Variants in ARHGAP31 observed in about 807,000 individuals in gnomAD.
ARHGAP31 encodes rho GTPase-activating protein 31.
A neutral mutation model predicts 113.9 loss-of-function variants in ARHGAP31; 34 were observed. That is an observed-to-expected ratio of 0.30 (90% CI 0.23 to 0.40). The LOEUF (loss-of-function observed/expected upper bound fraction) is 0.40, where lower values mean the gene tolerates loss of function less well. ARHGAP31 is among the 10% of genes least tolerant of loss of function. The pLI is 1.00. For synonymous variants in ARHGAP31, 650 were observed against 684.8 expected, an observed-to-expected ratio of 0.95 and a Z score of 0.79; for missense variants, 1,548 against 1,767.1, an observed-to-expected ratio of 0.88 and a Z score of 2.22.
intron 1 of ARHGAP31, among the ~76,000 whole-genome samples, chr3:119,346,073 C>A (rs2107614702): frequency 6.6e-6 from 1 of 152,272 alleles, no homozygotes; most frequent in Non-Finnish European, 1.5e-5. Context: ...ATGAGCTGAC[C>A]CCCAGGGAAG....
At chr3:119,404,892 T>C (rs2107642283) in intron 10 of ARHGAP31, among the ~76,000 whole-genome samples, 1 of 152,274 alleles carries the variant, frequency 6.6e-6, no homozygotes, top group East Asian at 1.9e-4. Context: ...CCTCAGCTGG[T>C]GGGGAGAAAG....
In ARHGAP31 at chr3:119,329,888, T is replaced by A. The variant is rs532884435; in HGVS notation, c.100+34884T>A. On this transcript the variant is annotated intron_variant, in intron 1 of 11. Transcript: ENST00000264245. Reference sequence around the variant, plus strand: ...GCCTCATTGTGTGAGTCCTCACTGGTGCTGAGAAACCTGGTAAATGAAGAC... The same window carrying A: ...GCCTCATTGTGTGAGTCCTCACTGGAGCTGAGAAACCTGGTAAATGAAGAC... The A allele has an allele frequency of 3.0e-6, 3 of 985,472 alleles. No homozygotes were observed. The South Asian group carries it at 1.4e-4, about 46-fold the overall frequency. 61.0% of individuals were successfully genotyped at this position (985,472 alleles called of 1,614,324 possible). A position where few individuals can be genotyped will look rare whatever the true frequency, so the allele number is the denominator to read the frequency against.
At chr3:119,354,823 T>G (rs1010188219) in intron 1 of ARHGAP31, among the ~76,000 whole-genome samples, 1 of 151,798 alleles carries the variant, frequency 6.6e-6, no homozygotes, top group East Asian at 1.9e-4. Context: ...GAAGAGGTAG[T>G]TTTTAAAGAG....
At position 119,414,762 on chromosome 3, in the gene ARHGAP31, C is replaced by A. The variant is rs2080756729; in HGVS notation, c.2833C>A (p.His945Asn). 2 of 1,614,206 alleles carry A rather than the reference C, an allele frequency of 1.2e-6. No individual in the cohort carries two copies. The highest frequency in any genetic ancestry group is 2.7e-5 in the African/African-American group (2 of 75,058). The change falls in exon 12 of 12, where the codon CAC becomes AAC. Residue 945 changes from histidine (H) to asparagine (N), a missense_variant. Transcript: ENST00000264245. ...QGHQLEKRLSHRPSLRQSHSL... is the reference protein window; with the variant it reads ...QGHQLEKRLSNRPSLRQSHSL... ...TCACCAGTTGGAGAAGAGGCTTTCC[C>A]ACAGGCCCAGCCTTCGCCAGAGCCA...
At chr3:119,348,372 G>A (rs866184053) in intron 1 of ARHGAP31, among the ~76,000 whole-genome samples, 31 of 152,012 alleles carry the variant, frequency 2.0e-4, no homozygotes, top group Middle Eastern at 3.4e-3. Flanking sequence ...CCACGAAACC[G>A]GTCCCCGGTG....
chr3:119,413,795 C>T (rs2080740495), intron 11 of ARHGAP31, 61 bp from the exon 12 acceptor site: 11 of 1,612,260 alleles, frequency 6.8e-6, no homozygotes, highest in Admixed American at 3.3e-5. Flanking sequence ...TCACTGGAAA[C>T]GCTGATGTCA....
intron 1 of ARHGAP31, chr3:119,314,880 T>G (rs1212710465): frequency 6.6e-6 from 1 of 152,252 alleles, no homozygotes; most frequent in Admixed American, 6.5e-5. Flanking sequence ...CAGGAAGAAC[T>G]AATGGCCCCA....
chr3:119,394,947 A>G (rs1206576730), intron 8 of ARHGAP31, among the ~76,000 whole-genome samples: 1 of 152,248 alleles, frequency 6.6e-6, no homozygotes, highest in Non-Finnish European at 1.5e-5. Flanking sequence ...GTATTCAAGG[A>G]TGAAGCAGCA....
At chr3:119,297,935 C>T (rs960672684) in intron 1 of ARHGAP31, among the ~76,000 whole-genome samples, 8 of 151,268 alleles carry the variant, frequency 5.3e-5, no homozygotes, top group Non-Finnish European at 7.4e-5. Context: ...CACACACACA[C>T]ACACACACAC....
At position 119,418,663 on chromosome 3, in the gene ARHGAP31, G is replaced by C. The variant is rs183287388; in HGVS notation, c.*2399G>C. The C allele has an allele frequency of 5.9e-5, 9 of 152,360 alleles. No individual in the cohort carries two copies. Among genetic ancestry groups the C allele is most frequent in the Admixed American group, 5.9e-4 (9 of 15,302 alleles). 9.4% of individuals were successfully genotyped at this position (152,360 alleles called of 1,614,324 possible). A position where few individuals can be genotyped will look rare whatever the true frequency, so the allele number is the denominator to read the frequency against. On this transcript the variant is annotated 3_prime_UTR_variant, in exon 12 of 12. Transcript: ENST00000264245. ...ACAAGTGACTTCAGTTCTAAGGGTT[G>C]AGATGCCTGTGTGGATTTATAAAAT...
intron 1 of ARHGAP31, among the ~76,000 whole-genome samples, chr3:119,297,636 G>T (rs1235777270): frequency 1.3e-5 from 2 of 152,198 alleles, no homozygotes; most frequent in African/African-American, 2.4e-5. Context: ...GACAAAGCGG[G>T]GTGATGATGA....
intron 9 of ARHGAP31, among the ~76,000 whole-genome samples, chr3:119,400,146 C>G (rs1300689910): frequency 6.6e-6 from 1 of 152,152 alleles, no homozygotes; most frequent in Non-Finnish European, 1.5e-5. Flanking sequence ...TAATTCTAAA[C>G]CCGGGCCGGG....
intron 1 of ARHGAP31, among the ~76,000 whole-genome samples, chr3:119,336,992 C>T (rs138912531): frequency 5.3e-5 from 8 of 152,196 alleles, no homozygotes; most frequent in African/African-American, 1.7e-4. Flanking sequence ...GTACTTAAGT[C>T]CTTTTTATTA....
chr3:119,323,877 C>A (rs563724169), intron 1 of ARHGAP31, among the ~76,000 whole-genome samples: 3 of 152,378 alleles, frequency 2.0e-5, no homozygotes, highest in African/African-American at 7.2e-5. Context: ...AGTGCTGGTT[C>A]ACAATCAGGC....
At position 119,345,988 on chromosome 3, in the gene ARHGAP31, C is replaced by T. The variant is rs369097452; in HGVS notation, c.101-19328C>T. Among the ~76,000 whole-genome samples, 140 of 152,312 alleles carry T rather than the reference C, an allele frequency of 9.2e-4. 1 individual carries two copies. The highest frequency in any genetic ancestry group is 1.5e-3 in the Admixed American group (23 of 15,302). On this transcript the variant is annotated intron_variant, in intron 1 of 11. Transcript: ENST00000264245. The stretch of plus-strand genomic sequence containing the variant: ...GTGCAGATCCTATAGATTTAGAATC[C>T]GTCACATCTCCTGCATCCTGACCAG...
At position 119,358,884 on chromosome 3, in the gene ARHGAP31, TGA is replaced by T. The variant is rs1194340977; in HGVS notation, c.101-6427_101-6426del. Reference sequence around the variant, plus strand: ...TACTAATGGATATGGGTTCCTTTCTTGAGAGATGAAAATGTTCTGGAATTAAT... The same window carrying T: ...TACTAATGGATATGGGTTCCTTTCTTGAGATGAAAATGTTCTGGAATTAAT... On this transcript the variant is annotated intron_variant, in intron 1 of 11. Coordinates refer to ENST00000264245, the MANE Select transcript of ARHGAP31 (RefSeq NM_020754.4). Among the ~76,000 whole-genome samples, 3 of 152,216 alleles carry T rather than the reference TGA, an allele frequency of 2.0e-5. No individual in the cohort carries two copies. The East Asian group carries it at 5.8e-4, about 29-fold the overall frequency.
intron 6 of ARHGAP31, among the ~76,000 whole-genome samples, chr3:119,388,035 T>A (rs370963966): frequency 1.1e-4 from 17 of 152,032 alleles, no homozygotes; most frequent in African/African-American, 3.9e-4. Flanking sequence ...AGAACAGAGG[T>A]TGTAAAAGCT....
chr3:119,379,074 T>A (rs960802489), intron 3 of ARHGAP31, among the ~76,000 whole-genome samples: 42 of 152,222 alleles, frequency 2.8e-4, no homozygotes, highest in Non-Finnish European at 5.9e-5. Context: ...TATATTTGTT[T>A]TACTTCAATT....
rs931787302 is a variant in ARHGAP31, at chr3:119,414,070, C to A, written c.2141C>A (p.Pro714His). The A allele has an allele frequency of 1.9e-6, 3 of 1,614,220 alleles. No individual in the cohort carries two copies. The highest frequency in any genetic ancestry group is 2.5e-6 in the Non-Finnish European group (3 of 1,180,040). ...TCCTTCCCTGCTCCAGTCTCCACCC[C>A]TCTGGAGGTGTGGACTAGGGATCCA... ...CGSFPAPVST[P>H]LEVWTRDPAN... is the part of the protein sequence containing the mutation. The change falls in exon 12 of 12, where the codon CCT becomes CAT. Residue 714 changes from proline to histidine, a missense_variant. Physicochemically the swap from Pro to His is moderately conservative, Grantham distance 77 (BLOSUM62 -2). Transcript: ENST00000264245.
Sources: gnomAD v4.1 joint callset for allele counts (sites outside exome capture counted in the v4.1 genomes callset) on GRCh38, gnomAD v4.1.1 for gene constraint, MANE v1.5 for transcripts, NCBI Gene and HGNC (gene_info 2026-07-23, HGNC 2026-07-21) for gene names.